Variants in UGT1A10 observed in about 807,000 individuals in gnomAD.
The protein encoded by UGT1A10 is UDP glucuronosyltransferase family 1 member A10, also known as UDP-glucuronosyltransferase 1A10.
A neutral mutation model predicts 45.8 loss-of-function variants in UGT1A10; 49 were observed. The ratio of observed to expected loss-of-function variants is 1.07; its 90% confidence interval spans 0.85 to 1.36. UGT1A10 has a LOEUF of 1.36. Ranked by LOEUF, UGT1A10 falls within the 40% of genes most tolerant of loss-of-function variation. UGT1A10 has a pLI of 0.00. For synonymous variants in UGT1A10, 284 were observed against 249.7 expected (o/e 1.14, Z -1.29); for missense variants, 745 against 668.6 (o/e 1.11, Z -1.26).
At chr2:233,730,055 T>G in intron 1 of UGT1A10, 1 of 1,611,964 alleles carries the variant, frequency 6.2e-7, no homozygotes, top group Non-Finnish European at 8.5e-7. Context: ...AAAAAATGTA[T>G]TTATTTAAAA....
At chr2:233,718,852 G>T in intron 1 of UGT1A10, 2 of 1,613,718 alleles carry the variant, frequency 1.2e-6, no homozygotes, top group Non-Finnish European at 1.7e-6. Flanking sequence ...CCCCTGCCGC[G>T]GCTGGCCACA....
chr2:233,772,894 C>CCA lies in UGT1A10; in HGVS notation c.*337_*338dup, dbSNP rs554656848. 8.1e-6 allele frequency: 4 copies of CCA among 491,752 alleles called. No individual in the cohort carries two copies. Among genetic ancestry groups the CCA allele is most frequent in the Non-Finnish European group, 1.3e-5 (4 of 303,172 alleles). The allele number at this position is 491,752 out of a possible 1,614,324, so 30.5% of individuals were successfully genotyped here. A position where few individuals can be genotyped will look rare whatever the true frequency, so the allele number is the denominator to read the frequency against. ...GGGAGTGCGGGATTCAAAGGTGGTC[C>CCA]CACGGCTGCCCCTACTGCAAATGGC... On this transcript the variant is annotated 3_prime_UTR_variant, in exon 5 of 5. Transcript: ENST00000344644.
At chr2:233,767,675 CA>C (rs1699446425) in intron 2 of UGT1A10, among the ~76,000 whole-genome samples, 173 bp from the exon 3 acceptor site, 1 of 152,180 alleles carries the variant, frequency 6.6e-6, no homozygotes, top group Non-Finnish European at 1.5e-5. Flanking sequence ...ACTAAACCTC[CA>C]AAACAAGATG....
chr2:233,731,982 T>C (rs936253936), intron 1 of UGT1A10, among the ~76,000 whole-genome samples: 5 of 152,356 alleles, frequency 3.3e-5, no homozygotes, highest in Admixed American at 2.0e-4. Context: ...CCATTCTAAC[T>C]GGCGTGAGAT....
rs1699915243 is a variant in UGT1A10, at chr2:233,769,658, C to T, written c.1295+1219C>T. On this transcript the variant is annotated intron_variant, in intron 4 of 4. Coordinates refer to ENST00000344644, the MANE Select transcript of UGT1A10 (RefSeq NM_019075.4). The surrounding 1 kb of genome is among the most constrained non-coding windows in gnomAD (Gnocchi z 4.4). ...GGAGGACTGATGACTGACTTCCCAC[C>T]TTTGAGGTGCTAATGTGTGTGTGGT... 2 of 1,600,404 alleles carry T rather than the reference C, an allele frequency of 1.2e-6. No individual in the cohort carries two copies. The highest frequency in any genetic ancestry group is 2.7e-5 in the African/African-American group (2 of 74,670).
intron 1 of UGT1A10, chr2:233,719,336 T>C (rs765059694): frequency 5.0e-6 from 8 of 1,613,838 alleles, no homozygotes; most frequent in South Asian, 2.2e-5. Context: ...CTGTGTTTTT[T>C]TGGAGGTACA....
chr2:233,684,677 T>C (rs370065450), intron 1 of UGT1A10, among the ~76,000 whole-genome samples: 1 of 152,114 alleles, frequency 6.6e-6, no homozygotes, highest in Non-Finnish European at 1.5e-5. Flanking sequence ...ATACATATGA[T>C]AGGATTTATA....
rs568443083 is a variant in UGT1A10 at position 233,748,107 on chromosome 2, A to G, written c.856-18927A>G. The G allele has an allele frequency of 6.5e-5, 105 of 1,612,400 alleles. 3 individuals are homozygous for G. The African/African-American group carries it at 1.3e-3, about 20-fold the overall frequency. ...CGGTGTTCGTGCCTTCATCCAATCA[A>G]TGTTCCAGGCAAAACAGTTTTTAAA... On this transcript the variant is annotated intron_variant, in intron 1 of 4. Coordinates refer to ENST00000344644, the MANE Select transcript of UGT1A10 (RefSeq NM_019075.4).
chr2:233,751,722 ACTCTTC>A (rs1694794722), intron 1 of UGT1A10, among the ~76,000 whole-genome samples: 1 of 150,748 alleles, frequency 6.6e-6, no homozygotes, highest in African/African-American at 2.4e-5. Context: ...TCACAAGTGA[ACTCTTC>A]CTCTCTGTTT....
intron 1 of UGT1A10, among the ~76,000 whole-genome samples, chr2:233,764,716 G>C (rs1292483836): frequency 6.6e-6 from 1 of 152,182 alleles, no homozygotes; most frequent in Non-Finnish European, 1.5e-5. Context: ...GTCTCCCCAA[G>C]AAAGAGGGAG....
At chr2:233,729,634 G>C in intron 1 of UGT1A10, 1 of 1,613,874 alleles carries the variant, frequency 6.2e-7, no homozygotes, top group African/African-American at 1.3e-5. Context: ...GATTCCTACT[G>C]TGTTTTTTTT....
intron 1 of UGT1A10, chr2:233,743,791 C>G: frequency 7.3e-7 from 1 of 1,367,342 alleles, no homozygotes; most frequent in Non-Finnish European, 9.8e-7. Flanking sequence ...ATCTCCTCTC[C>G]GCTTCCTCCT....
intron 1 of UGT1A10, among the ~76,000 whole-genome samples, chr2:233,644,991 G>T (rs2073560642): frequency 6.6e-6 from 1 of 152,076 alleles, no homozygotes; most frequent in African/African-American, 2.4e-5. Context: ...ACCCCTGATT[G>T]AGAAGCTGAA....
chr2:233,715,511 C>T (rs1206951556), intron 1 of UGT1A10, among the ~76,000 whole-genome samples: 1 of 152,146 alleles, frequency 6.6e-6, no homozygotes, highest in African/African-American at 2.4e-5. Flanking sequence ...GTAGCTCACA[C>T]CTGTAATTTC....
In UGT1A10 at chr2:233,636,812, A is replaced by G. The variant is rs139555240; in HGVS notation, c.290A>G (p.Gln97Arg). Residue 97 changes from glutamine (Q) to arginine (R), a missense_variant, in exon 1 of 5, where the codon CAA becomes CGA. By Grantham distance (43) the Gln-to-Arg change is conservative (BLOSUM62 1). Coordinates refer to ENST00000344644, the MANE Select transcript of UGT1A10 (RefSeq NM_019075.4). ...NREFMVFAHA[Q>R]WKAQAQSIFS... ...GAATTCATGGTTTTCGCCCATGCTC[A>G]ATGGAAAGCACAGGCACAAAGTATA... 16 of 1,614,064 alleles carry G rather than the reference A, an allele frequency of 9.9e-6. No homozygotes were observed. Among genetic ancestry groups the G allele is most frequent in the Non-Finnish European group, 1.4e-5 (16 of 1,180,026 alleles).
intron 1 of UGT1A10, among the ~76,000 whole-genome samples, chr2:233,740,241 T>A (rs774118650): frequency 4.0e-5 from 6 of 151,874 alleles, no homozygotes; most frequent in Non-Finnish European, 7.3e-5. Flanking sequence ...AGGCTGAGAA[T>A]AGACTAATAC....
chr2:233,746,667 C>A (rs4663969), intron 1 of UGT1A10, among the ~76,000 whole-genome samples: 68,357 of 151,262 alleles, frequency 0.45, 16,045 homozygotes, highest in South Asian at 0.58. Context: ...GAGTTCCTAG[C>A]ATAGTAGGTA....
At position 233,698,306 on chromosome 2, in the gene UGT1A10, A is replaced by G. The variant is rs1425577629; in HGVS notation, c.855+60929A>G. On this transcript the variant is annotated intron_variant, in intron 1 of 4. Coordinates refer to ENST00000344644, the MANE Select transcript of UGT1A10 (RefSeq NM_019075.4). ...TGAAAAAAAATGTGTCTTTGGACAG[A>G]TGGAAATGTCTGGAACCAGATAGAG... 3.3e-5 allele frequency among the ~76,000 whole-genome samples: 5 copies of G among 152,386 alleles called. No homozygotes were observed. In the East Asian group the frequency reaches 9.6e-4, roughly 29 times the overall value.
chr2:233,637,216 T>C lies in UGT1A10; in HGVS notation c.694T>C (p.Ser232Pro). 6.2e-7 allele frequency: 1 copy of C among 1,613,964 alleles called. No individual in the cohort carries two copies. Residue 232 changes from serine to proline, a missense_variant, in exon 1 of 5, where the codon TCT becomes CCT. By Grantham distance (74) the Ser-to-Pro change is moderately conservative (BLOSUM62 -1). Transcript: ENST00000344644. Reference sequence around the variant, plus strand: ...TTTTAGAAATGCCCTAGAAATAGCCTCTGAAATTCTCCAAACCCCTGTCAC... The same window carrying C: ...TTTTAGAAATGCCCTAGAAATAGCCCCTGAAATTCTCCAAACCCCTGTCAC... ...YLFRNALEIASEILQTPVTAY... is the reference protein window; with the variant it reads ...YLFRNALEIAPEILQTPVTAY...
Sources: allele counts gnomAD v4.1 joint callset (sites outside exome capture counted in the v4.1 genomes callset), GRCh38; gene constraint gnomAD v4.1.1; non-coding constraint Gnocchi (gnomAD v3.1); transcripts MANE v1.5; gene names NCBI Gene and HGNC (gene_info 2026-07-23, HGNC 2026-07-21).